The following UBE3C variants were observed in gnomAD, a reference collection of about 807,000 sequenced individuals.
UBE3C encodes the protein ubiquitin protein ligase E3C.
Under a neutral mutation model 129.4 loss-of-function variants are expected in UBE3C, and 42 were observed. The ratio of observed to expected loss-of-function variants is 0.32; its 90% CI spans 0.25 to 0.42. UBE3C has a LOEUF of 0.42. UBE3C is among the 10% of genes least tolerant of loss of function. The probability of loss-of-function intolerance (pLI) is 1.00; values close to 1 mark genes in which losing one functional copy is unlikely to be tolerated. For missense variants in UBE3C, 1,049 were observed against 1,319.1 expected (o/e 0.80, Z 3.17); for synonymous variants, 510 against 492.4 (o/e 1.04, Z -0.47).
chr7:157,208,055 CTTTTTTTT>C (rs35366316), intron 13 of UBE3C, 120 bp downstream of exon 13: 31 of 93,698 alleles, frequency 3.3e-4, no homozygotes, highest in South Asian at 1.1e-3. Context: ...ATTTGCAAGA[CTTTTTTTT>C]TTTTTTTTTT....
intron 10 of UBE3C, among the ~76,000 whole-genome samples, chr7:157,199,435 GTC>G (rs993441219): frequency 2.7e-4 from 41 of 151,806 alleles, no homozygotes; most frequent in African/African-American, 8.7e-4. Flanking sequence ...CAACAGTATA[GTC>G]TTTTTCAGAG....
intron 22 of UBE3C, among the ~76,000 whole-genome samples, chr7:157,266,740 T>A (rs572738845): frequency 3.9e-5 from 6 of 152,352 alleles, no homozygotes; most frequent in Non-Finnish European, 8.8e-5. Context: ...TGATCCTTTT[T>A]AAAAAATTTT....
At chr7:157,161,870 G>A (rs1808080057) in intron 1 of UBE3C, among the ~76,000 whole-genome samples, 1 of 151,906 alleles carries the variant, frequency 6.6e-6, no homozygotes, top group African/African-American at 2.4e-5. Flanking sequence ...CCAGGAGTTC[G>A]AGACCAGCCT....
intron 1 of UBE3C, among the ~76,000 whole-genome samples, chr7:157,151,167 AT>A (rs891080657): frequency 2.0e-5 from 3 of 152,248 alleles, no homozygotes; most frequent in Non-Finnish European, 4.4e-5. Flanking sequence ...GTCTGTGGAC[AT>A]AATCCTGAAG....
intron 1 of UBE3C, among the ~76,000 whole-genome samples, chr7:157,146,310 C>T (rs930756103): frequency 1.1e-4 from 17 of 151,930 alleles, no homozygotes; most frequent in African/African-American, 4.1e-4. Flanking sequence ...GGCGCAATCT[C>T]GGCTCACTGC....
chr7:157,205,529 G>C (rs905503523), intron 11 of UBE3C, among the ~76,000 whole-genome samples: 1 of 152,142 alleles, frequency 6.6e-6, no homozygotes, highest in African/African-American at 2.4e-5. Context: ...CAGGGCTGTT[G>C]AAAGAAGCCA....
At chr7:157,185,250 C>T (rs568319895) in intron 9 of UBE3C, among the ~76,000 whole-genome samples, 3 of 152,354 alleles carry the variant, frequency 2.0e-5, no homozygotes, top group South Asian at 4.1e-4. Context: ...GCAGAACATG[C>T]GGACCCGTGA....
intron 1 of UBE3C, among the ~76,000 whole-genome samples, chr7:157,141,114 C>G (rs749639266): frequency 2.0e-5 from 3 of 152,132 alleles, no homozygotes; most frequent in Non-Finnish European, 4.4e-5. Context: ...TGTGGCACTG[C>G]TAACCCTGAG....
chr7:157,246,664 T>G (rs906551900), intron 18 of UBE3C, among the ~76,000 whole-genome samples: 1 of 152,130 alleles, frequency 6.6e-6, no homozygotes, highest in Non-Finnish European at 1.5e-5. Context: ...TAGTCCAGCC[T>G]TCACCTTCCC....
chr7:157,140,680 T>C lies in UBE3C; in HGVS notation c.66+1342T>C, dbSNP rs554489667. ...TAGTGGCAGACCATCTGAGACTCCA[T>C]GCCATTTACACAGCGCCGCGCGGCC... On this transcript the variant is annotated intron_variant, in intron 1 of 22. Coordinates refer to ENST00000348165, the MANE Select transcript of UBE3C (RefSeq NM_014671.3). Among the ~76,000 whole-genome samples, 14 of 152,216 alleles carry C rather than the reference T, an allele frequency of 9.2e-5. No individual in the cohort carries two copies. In the East Asian group the frequency reaches 2.7e-3, roughly 29 times the overall value.
chr7:157,264,737 A>G (rs1797031323), intron 22 of UBE3C, among the ~76,000 whole-genome samples: 1 of 152,064 alleles, frequency 6.6e-6, no homozygotes, highest in African/African-American at 2.4e-5. Context: ...ACAGCCGGCT[A>G]ATTTTTTATT....
At chr7:157,154,003 G>GA (rs374420490) in intron 1 of UBE3C, among the ~76,000 whole-genome samples, 2 of 150,854 alleles carry the variant, frequency 1.3e-5, no homozygotes, top group South Asian at 2.1e-4. Context: ...TCTGGGGGGG[G>GA]AAAAGTTAAC....
intron 16 of UBE3C, 115 bp from the exon 17 acceptor site, chr7:157,225,292 G>T: frequency 1.7e-6 from 2 of 1,210,268 alleles, no homozygotes; most frequent in South Asian, 1.6e-5. Context: ...TTGACTATTA[G>T]CATTTATTTC....
chr7:157,254,879 A>C (rs1421445016), intron 21 of UBE3C, among the ~76,000 whole-genome samples: 1 of 151,808 alleles, frequency 6.6e-6, no homozygotes, highest in Non-Finnish European at 1.5e-5. Context: ...ATCTCTACTA[A>C]AAATTAGCTG....
In UBE3C at chr7:157,181,551, G is replaced by A. The variant is rs1346652109; in HGVS notation, c.650G>A (p.Ser217Asn). The A allele has an allele frequency of 1.9e-6, 3 of 1,611,530 alleles. No homozygotes were observed. The highest frequency in any genetic ancestry group is 2.5e-6 in the Non-Finnish European group (3 of 1,179,270). ...AGGTCTCTATATTTGTTGATTAACAGCAAGCTTCCATCAAGTATTGAATAT... is the reference window on the plus strand; with the variant it reads ...AGGTCTCTATATTTGTTGATTAACAACAAGCTTCCATCAAGTATTGAATAT... ...YYRSLYLLIN[S>N]KLPSSIEYSD... is the part of the protein sequence containing the mutation. Residue 217 changes from serine to asparagine, a missense_variant, in exon 7 of 23, where the codon AGC (serine) becomes AAC (asparagine). Transcript: ENST00000348165.
At chr7:157,257,083 CATA>C (rs770391742) in intron 22 of UBE3C, 39 bp downstream of exon 22, 1 of 1,609,514 alleles carries the variant, frequency 6.2e-7, no homozygotes, top group Non-Finnish European at 8.5e-7. Context: ...AAGACCACTT[CATA>C]ATAAGAAAGG....
chr7:157,242,510 A>AGTT (rs71522078), intron 18 of UBE3C, among the ~76,000 whole-genome samples: 53,921 of 102,610 alleles, frequency 0.53, 13,699 homozygotes, highest in South Asian at 0.63. Flanking sequence ...ACTGAGCCTG[A>AGTT]GTTGTTTTTT....
chr7:157,188,468 A>G (rs1808868699), intron 10 of UBE3C, among the ~76,000 whole-genome samples: 2 of 152,200 alleles, frequency 1.3e-5, no homozygotes, highest in Admixed American at 6.5e-5. Context: ...TTTGCCGGCT[A>G]ATTGCATGAG....
At chr7:157,240,904 A>G (rs533212410) in intron 18 of UBE3C, among the ~76,000 whole-genome samples, 1 of 152,330 alleles carries the variant, frequency 6.6e-6, no homozygotes, top group Non-Finnish European at 1.5e-5. Flanking sequence ...TGTGCTACAG[A>G]TGTCACCAAA....
Sources: allele counts gnomAD v4.1 joint callset (sites outside exome capture counted in the v4.1 genomes callset), GRCh38; gene constraint gnomAD v4.1.1; transcripts MANE v1.5; gene names NCBI Gene and HGNC (gene_info 2026-07-23, HGNC 2026-07-21).